RICTOR: variants seen among roughly 807,000 people sequenced by gnomAD.
The protein encoded by RICTOR is RPTOR independent companion of MTOR complex 2.
In RICTOR, 49 loss-of-function variants were observed where a neutral mutation model predicts 214.9. The ratio of observed to expected loss-of-function variants is 0.23; its 90% CI spans 0.18 to 0.29. RICTOR has a LOEUF of 0.29. Among genes scored for constraint, RICTOR ranks in the 10% least tolerant of loss-of-function variants. The probability of loss-of-function intolerance (pLI) is 1.00; values close to 1 mark genes in which losing one functional copy is unlikely to be tolerated. For synonymous variants in RICTOR, 717 were observed against 711.3 expected (o/e 1.01, Z -0.13); for missense variants, 1,625 against 2,047.0 (o/e 0.79, Z 3.98).
intron 5 of RICTOR, 125 bp from the exon 6 acceptor site, chr5:38,997,007 AT>A: frequency 5.9e-6 from 4 of 679,490 alleles, no homozygotes. Flanking sequence ...TTGGTATATG[AT>A]TTCTCAGTAC....
intron 2 of RICTOR, among the ~76,000 whole-genome samples, chr5:39,046,623 CACT>C (rs949447996): frequency 6.6e-6 from 1 of 152,046 alleles, no homozygotes; most frequent in East Asian, 1.9e-4. Context: ...TTTTCCATCA[CACT>C]ACTGACCCAT....
intron 2 of RICTOR, among the ~76,000 whole-genome samples, chr5:39,023,331 A>G (rs1173567320): frequency 6.6e-6 from 1 of 152,226 alleles, no homozygotes; most frequent in African/African-American, 2.4e-5. Context: ...CCAGATTGAA[A>G]AAAAAGAAGT....
At chr5:39,052,411 G>A (rs1757916014) in intron 2 of RICTOR, among the ~76,000 whole-genome samples, 1 of 152,034 alleles carries the variant, frequency 6.6e-6, no homozygotes, top group African/African-American at 2.4e-5. Context: ...TTTGGACATT[G>A]TTTTTGCAAC....
intron 2 of RICTOR, among the ~76,000 whole-genome samples, chr5:39,024,945 T>C (rs891802251): frequency 1.3e-5 from 2 of 152,174 alleles, no homozygotes; most frequent in Admixed American, 6.5e-5. Context: ...ACTGGAAATA[T>C]AGCAATAAAC....
intron 2 of RICTOR, among the ~76,000 whole-genome samples, chr5:39,071,856 T>G (rs1440012137): frequency 1.3e-5 from 2 of 152,204 alleles, no homozygotes; most frequent in South Asian, 4.1e-4. Context: ...ACAAAAAAAT[T>G]TTTGGTTGCC....
intron 3 of RICTOR, among the ~76,000 whole-genome samples, chr5:39,009,576 T>C (rs572946114): frequency 2.1e-4 from 32 of 149,968 alleles, no homozygotes; most frequent in African/African-American, 8.1e-4. Flanking sequence ...TTTCCAGACA[T>C]AGTAAATGGA....
rs994244178 is a variant in RICTOR, at chr5:38,940,975, T to C, written c.*1329A>G. 8.6e-6 allele frequency: 2 copies of C among 232,776 alleles called. No homozygotes were observed. The highest frequency in any genetic ancestry group is 6.1e-5 in the East Asian group (1 of 16,368). 14.4% of individuals were successfully genotyped at this position (232,776 alleles called of 1,614,324 possible). A position where few individuals can be genotyped will look rare whatever the true frequency, so the allele number is the denominator to read the frequency against. On this transcript the variant is annotated 3_prime_UTR_variant, in exon 38 of 38. Coordinates refer to ENST00000357387, the MANE Select transcript of RICTOR (RefSeq NM_152756.5). ...AAGAATCCTAATCAGTCCAGCTGGA[T>C]TTTCTATTTCTATTTATATATAGAT...
At chr5:39,015,288 A>G (rs1388265218) in intron 3 of RICTOR, among the ~76,000 whole-genome samples, 1 of 152,164 alleles carries the variant, frequency 6.6e-6, no homozygotes, top group African/African-American at 2.4e-5. Context: ...AAGCAAATGA[A>G]TGAATTTACA....
chr5:38,962,721 T>C, intron 17 of RICTOR, 135 bp from the exon 18 acceptor site: 1 of 797,468 alleles, frequency 1.3e-6, no homozygotes, highest in Non-Finnish European at 2.0e-6. Context: ...TTTAAAGTTA[T>C]AAAAACCCAT....
At chr5:38,990,765 G>T (rs373862623) in intron 7 of RICTOR, among the ~76,000 whole-genome samples, 184 bp downstream of exon 7, 4,855 of 17,908 alleles carry the variant, frequency 0.27, 416 homozygotes, top group East Asian at 0.4. Context: ...ATATATATGA[G>T]ATATATGATA....
At chr5:38,974,063 T>G (rs1247544346) in intron 10 of RICTOR, among the ~76,000 whole-genome samples, 1 of 151,034 alleles carries the variant, frequency 6.6e-6, no homozygotes, top group Non-Finnish European at 1.5e-5. Flanking sequence ...TCTTTCTTTT[T>G]TTTTGAGACA....
intron 5 of RICTOR, among the ~76,000 whole-genome samples, chr5:39,001,605 G>A (rs577527858): frequency 6.6e-6 from 1 of 152,170 alleles, no homozygotes; most frequent in Admixed American, 6.5e-5. Flanking sequence ...GCAAGGCAAA[G>A]GCAAGGCAAA....
chr5:39,033,925 C>A (rs1358262638), intron 2 of RICTOR, among the ~76,000 whole-genome samples: 1 of 152,108 alleles, frequency 6.6e-6, no homozygotes, highest in East Asian at 1.9e-4. Context: ...TATTTTCCTC[C>A]CCCTTCAATT....
In RICTOR at chr5:38,967,317, C is replaced by T. The variant is rs756909262; in HGVS notation, c.1151+20G>A. The T allele has an allele frequency of 6.2e-7, 1 of 1,604,390 alleles. No homozygotes were observed. ...ACCCGAATTCTAATAAATTGAAACC[C>T]TTTTTATTTTAAATTCTACCTGGAT... On this transcript the variant is annotated intron_variant, in intron 13 of 37. Coordinates refer to ENST00000357387, the MANE Select transcript of RICTOR (RefSeq NM_152756.5).
intron 2 of RICTOR, among the ~76,000 whole-genome samples, chr5:39,028,341 C>T (rs1421504388): frequency 6.6e-6 from 1 of 151,650 alleles, no homozygotes; most frequent in Non-Finnish European, 1.5e-5. Flanking sequence ...CGCCACTACG[C>T]CCGGCTAATT....
At chr5:39,063,835 TAA>T (rs879261245) in intron 2 of RICTOR, among the ~76,000 whole-genome samples, 1 of 144,406 alleles carries the variant, frequency 6.9e-6, no homozygotes. Flanking sequence ...ACAATGGGGT[TAA>T]AAAAAAAAAG....
intron 7 of RICTOR, among the ~76,000 whole-genome samples, chr5:38,990,371 A>G (rs1178436800): frequency 6.6e-6 from 1 of 151,856 alleles, no homozygotes; most frequent in Non-Finnish European, 1.5e-5. Flanking sequence ...CATTAGGAGA[A>G]ATACCTAATG....
Position 38,959,252 on chromosome 5 carries a change from A to G in RICTOR, c.2121T>C (p.Tyr707=), listed in dbSNP as rs1749578320. 6.2e-6 allele frequency: 10 copies of G among 1,603,892 alleles called. No homozygotes were observed. In the East Asian group the frequency reaches 2.0e-4, roughly 32 times the overall value. Residue 707 remains tyrosine (Y), a synonymous_variant, in exon 22 of 38, where the codon TAT becomes TAC. Coordinates refer to ENST00000357387, the MANE Select transcript of RICTOR (RefSeq NM_152756.5). ...LLKLTVSSLD[Y]SRDGLARVIL... ...TGACTCTAGCCAATCCATCTCTGCT[A>G]TAGTCCAAGCTAGAAACAGTAAGTT...
At chr5:39,012,918 G>A (rs1754652558) in intron 3 of RICTOR, among the ~76,000 whole-genome samples, 1 of 152,036 alleles carries the variant, frequency 6.6e-6, no homozygotes, top group Non-Finnish European at 1.5e-5. Flanking sequence ...TGCTAAGAGA[G>A]GGTTACTCTC....
Sources: allele counts gnomAD v4.1 joint callset (sites outside exome capture counted in the v4.1 genomes callset), GRCh38; gene constraint gnomAD v4.1.1; transcripts MANE v1.5; gene names NCBI Gene and HGNC (gene_info 2026-07-23, HGNC 2026-07-21).